The following RNF217 variants were observed in gnomAD, a reference collection of about 807,000 sequenced individuals.
RNF217 encodes the protein ring finger protein 217.
RNF217 carries 31 observed loss-of-function variants against 57.8 expected under a neutral mutation model. The ratio of observed to expected loss-of-function variants is 0.54; its 90% CI spans 0.40 to 0.72. The LOEUF is 0.72. Among genes scored for constraint, RNF217 ranks in the 30% least tolerant of loss-of-function variants. The probability of loss-of-function intolerance (pLI) is 0.00; values close to 1 mark genes in which losing one functional copy is unlikely to be tolerated. For missense variants in RNF217, 696 were observed against 708.3 expected (o/e 0.98, Z 0.20); for synonymous variants, 313 against 294.0 (o/e 1.06, Z -0.66).
At position 125,085,262 on chromosome 6, in the gene RNF217, T is replaced by C. The variant is rs1005736072; in HGVS notation, c.*2325T>C. 3.3e-5 allele frequency: 5 copies of C among 151,930 alleles called. No homozygotes were observed. The highest frequency in any genetic ancestry group is 6.6e-5 in the Admixed American group (1 of 15,222). The allele number at this position is 151,930 out of a possible 1,614,324, so 9.4% of individuals were successfully genotyped here. On this transcript the variant is annotated 3_prime_UTR_variant, in exon 6 of 6. Coordinates refer to ENST00000521654, the MANE Select transcript of RNF217 (RefSeq NM_001286398.3). ...TTCCAATATTCCTGTTACAAAGTGG[T>C]GTCTGTTTTCAGTGATGGCTATTTC...
chr6:124,999,787 C>T (rs1049471444), intron 1 of RNF217, among the ~76,000 whole-genome samples: 3 of 151,870 alleles, frequency 2.0e-5, no homozygotes, highest in Non-Finnish European at 2.9e-5. Flanking sequence ...AGCATTGTAA[C>T]GTTAAAAAAA....
chr6:125,023,855 A>G (rs907840236), intron 1 of RNF217, among the ~76,000 whole-genome samples: 4 of 152,198 alleles, frequency 2.6e-5, no homozygotes, highest in Non-Finnish European at 5.9e-5. Flanking sequence ...CCCCCTTTAT[A>G]TATGGAATCT....
intron 1 of RNF217, among the ~76,000 whole-genome samples, chr6:124,982,095 G>A (rs1784195586): frequency 6.8e-6 from 1 of 146,058 alleles, no homozygotes; most frequent in Non-Finnish European, 1.5e-5. Context: ...TTGTGAGGGA[G>A]GTATGTAGCT....
intron 2 of RNF217, among the ~76,000 whole-genome samples, chr6:125,054,746 T>C (rs1335498402): frequency 6.6e-6 from 1 of 152,126 alleles, no homozygotes; most frequent in Admixed American, 6.6e-5. Context: ...TCTCAAACTT[T>C]AGGATGCATA....
At chr6:124,976,250 ACTCCCTCCCTCC>A (rs764577352) in intron 1 of RNF217, among the ~76,000 whole-genome samples, 2 of 127,902 alleles carry the variant, frequency 1.6e-5, no homozygotes, top group African/African-American at 3.0e-5. Context: ...TCCCTCCCTC[ACTCCCTCCCTCC>A]CTCCCTCCCT....
intron 1 of RNF217, among the ~76,000 whole-genome samples, chr6:125,044,291 A>G (rs1787005429): frequency 6.6e-6 from 1 of 152,086 alleles, no homozygotes; most frequent in Non-Finnish European, 1.5e-5. Flanking sequence ...AGAGATTGTA[A>G]TGCCATGAAT....
chr6:125,084,644 G>A lies in RNF217; in HGVS notation c.*1707G>A, dbSNP rs982222779. The A allele has an allele frequency of 1.3e-5, 2 of 151,938 alleles. No individual in the cohort carries two copies. The highest frequency in any genetic ancestry group is 2.9e-5 in the Non-Finnish European group (2 of 67,886). 9.4% of individuals were successfully genotyped at this position (151,938 alleles called of 1,614,324 possible). ...GTTGACTTGCGTGAATAACAATCCA[G>A]CATGCTTTCATTCTTTCTGAATAAC... On this transcript the variant is annotated 3_prime_UTR_variant, in exon 6 of 6. Transcript: ENST00000521654.
intron 3 of RNF217, among the ~76,000 whole-genome samples, chr6:125,065,241 A>C (rs1326538516): frequency 6.7e-6 from 1 of 149,816 alleles, no homozygotes; most frequent in African/African-American, 2.5e-5. Context: ...CAGTGAGCCG[A>C]GATGACGCCA....
At position 125,091,385 on chromosome 6, in the gene RNF217, G is replaced by A. The variant is rs1788946503; in HGVS notation, c.*8448G>A. The A allele has an allele frequency of 6.6e-6, 1 of 151,916 alleles. No individual in the cohort carries two copies. The highest frequency in any genetic ancestry group is 1.5e-5 in the Non-Finnish European group (1 of 67,892). 9.4% of individuals were successfully genotyped at this position (151,916 alleles called of 1,614,324 possible). A position where few individuals can be genotyped will look rare whatever the true frequency, so the allele number is the denominator to read the frequency against. ...AAAGAGCCATATATTTTTTGTGAGT[G>A]TTCTTTGGTCCCTCTATTTAAAGTG... On this transcript the variant is annotated 3_prime_UTR_variant, in exon 6 of 6. Transcript: ENST00000521654.
At position 124,963,162 on chromosome 6, in the gene RNF217, C is replaced by T. The variant is rs1291295333; in HGVS notation, c.618C>T (p.Ser206=). The T allele has an allele frequency of 6.5e-7, 1 of 1,535,154 alleles. No individual in the cohort carries two copies. The highest frequency in any genetic ancestry group is 8.7e-7 in the Non-Finnish European group (1 of 1,146,470). The change falls in exon 1 of 6, where the codon AGC becomes AGT. Residue 206 remains serine, a synonymous_variant. Transcript: ENST00000521654. ...CCAGCACCCGCTCTTCCTTCCCCAG[C>T]CCCCGACTGTCCCTCCCAACGGATT... ...NPPSTRSSFP[S]PRLSLPTDSL...
intron 2 of RNF217, chr6:125,048,170 T>C (rs1787167423): frequency 1.4e-5 from 19 of 1,336,774 alleles, no homozygotes; most frequent in Non-Finnish European, 1.8e-5. Flanking sequence ...AGCACTGACA[T>C]GGATACCCCA....
In RNF217 at chr6:124,962,640, G is replaced by T; in HGVS notation, c.96G>T (p.Arg32Ser). Reference protein sequence around the residue: ...SGTAGHPEPPRPQGDSARAPP... With the variant: ...SGTAGHPEPPSPQGDSARAPP... ...CTGCGGGCCACCCTGAGCCCCCGAG[G>T]CCTCAGGGGGACAGCGCCCGGGCGC... Residue 32 changes from arginine (R) to serine (S), a missense_variant, in exon 1 of 6, where the codon AGG becomes AGT. By Grantham distance (110) the Arg-to-Ser change is moderately radical (BLOSUM62 -1). This residue lies in a region of RNF217 where 465 missense variants were observed against 386.8 expected (regional missense o/e 1.20). Coordinates refer to ENST00000521654, the MANE Select transcript of RNF217 (RefSeq NM_001286398.3). This position sits in a 1 kb window ranked among gnomAD's most constrained non-coding sequence, Gnocchi z 4.6. 1 of 1,324,408 alleles carries T rather than the reference G, an allele frequency of 7.6e-7. No homozygotes were observed. The highest frequency in any genetic ancestry group is 9.5e-7 in the Non-Finnish European group (1 of 1,048,072). The allele number at this position is 1,324,408 out of a possible 1,614,324, so 82.0% of individuals were successfully genotyped here. A position where few individuals can be genotyped will look rare whatever the true frequency, so the allele number is the denominator to read the frequency against.
intron 1 of RNF217, among the ~76,000 whole-genome samples, chr6:125,026,306 C>T (rs1398464410): frequency 6.6e-6 from 1 of 152,102 alleles, no homozygotes; most frequent in African/African-American, 2.4e-5. Flanking sequence ...TACTTTCTTT[C>T]TGGGTGACCT....
intron 1 of RNF217, among the ~76,000 whole-genome samples, chr6:124,966,296 C>T (rs746068539): frequency 5.9e-5 from 9 of 152,196 alleles, no homozygotes; most frequent in Non-Finnish European, 1.3e-4. Flanking sequence ...CCTCTCTATG[C>T]CTTAATTTCC....
intron 3 of RNF217, among the ~76,000 whole-genome samples, chr6:125,059,303 C>T (rs867650960): frequency 6.1e-4 from 93 of 152,204 alleles, no homozygotes; most frequent in African/African-American, 2.2e-3. Context: ...TCCACAGTCA[C>T]CCATTTTGTT....
intron 3 of RNF217, among the ~76,000 whole-genome samples, chr6:125,061,730 C>T (rs922733765): frequency 1.3e-5 from 2 of 151,868 alleles, no homozygotes; most frequent in East Asian, 1.9e-4. Flanking sequence ...AATACACAAG[C>T]ACATATGTCG....
In RNF217 at chr6:124,962,780, G is replaced by A. The variant is rs746301595; in HGVS notation, c.236G>A (p.Ser79Asn). ...PARSLGPPGWSKSRAPAQPAG... is the reference protein window; with the variant it reads ...PARSLGPPGWNKSRAPAQPAG... ...AGGAGCCTGGGGCCCCCGGGCTGGA[G>A]TAAGAGCCGAGCACCGGCGCAGCCT... The change falls in exon 1 of 6, where the codon AGT (serine) becomes AAT (asparagine). Residue 79 changes from serine to asparagine, a missense_variant. Ser to Asn is a conservative substitution (Grantham distance 46). This residue lies in a region of RNF217 where 465 missense variants were observed against 386.8 expected (regional missense o/e 1.20). Transcript: ENST00000521654. The surrounding 1 kb of genome is among the most constrained non-coding windows in gnomAD (Gnocchi z 4.6). 2 of 1,596,496 alleles carry A rather than the reference G, an allele frequency of 1.3e-6. No homozygotes were observed. Among genetic ancestry groups the A allele is most frequent in the Non-Finnish European group, 1.7e-6 (2 of 1,179,396 alleles).
At chr6:124,976,827 A>G (rs1402569605) in intron 1 of RNF217, among the ~76,000 whole-genome samples, 1 of 152,208 alleles carries the variant, frequency 6.6e-6, no homozygotes, top group East Asian at 1.9e-4. Flanking sequence ...TAAATCAACC[A>G]GAATAGATAA....
intron 1 of RNF217, among the ~76,000 whole-genome samples, chr6:125,027,578 C>T (rs538821479): frequency 1.1e-4 from 17 of 152,220 alleles, no homozygotes; most frequent in South Asian, 2.1e-4. Context: ...TAGGTTGCTT[C>T]GAAATCTTAG....
Sources: allele counts gnomAD v4.1 joint callset (sites outside exome capture counted in the v4.1 genomes callset), GRCh38; gene constraint gnomAD v4.1.1; regional missense constraint gnomAD v4.1.1; non-coding constraint Gnocchi (gnomAD v3.1); transcripts MANE v1.5; gene names NCBI Gene and HGNC (gene_info 2026-07-23, HGNC 2026-07-21).